E2F5: variants seen among roughly 807,000 people sequenced by gnomAD.
The protein encoded by E2F5 is E2F transcription factor 5.
E2F5 carries 23 observed loss-of-function variants against 39.1 expected under a neutral mutation model. The ratio of observed to expected loss-of-function variants is 0.59; its 90% confidence interval spans 0.42 to 0.83. E2F5 has a LOEUF of 0.83. E2F5 is among the 40% of genes least tolerant of loss of function. The pLI is 0.00. For synonymous variants in E2F5, 145 were observed against 157.8 expected (o/e 0.92, Z 0.61); for missense variants, 365 against 406.7 (o/e 0.90, Z 0.88).
In E2F5 at chr8:85,177,192, C is replaced by T. The variant is rs542361908; in HGVS notation, c.-229C>T. 3.1e-3 allele frequency: 553 copies of T among 179,458 alleles called. 1 individual carries two copies. Among genetic ancestry groups the T allele is most frequent in the Admixed American group, 5.4e-3 (83 of 15,358 alleles). 11.1% of individuals were successfully genotyped at this position (179,458 alleles called of 1,614,324 possible). A position where few individuals can be genotyped will look rare whatever the true frequency, so the allele number is the denominator to read the frequency against. Reference sequence around the variant, plus strand: ...CCACCCCTCCCCCCTCGGTCGTGGGCCTCATTCACGCTTCCCCGGGCTTGG... The same window carrying T: ...CCACCCCTCCCCCCTCGGTCGTGGGTCTCATTCACGCTTCCCCGGGCTTGG... On this transcript the variant is annotated 5_prime_UTR_variant, in exon 1 of 8. Coordinates refer to ENST00000416274, the MANE Select transcript of E2F5 (RefSeq NM_001951.4).
chr8:85,186,224 C>A (rs1233323142), intron 1 of E2F5, among the ~76,000 whole-genome samples: 1 of 152,086 alleles, frequency 6.6e-6, no homozygotes, highest in African/African-American at 2.4e-5. Context: ...ATGGATGAAG[C>A]TGGAAACCAT....
chr8:85,202,027 A>C (rs1812707679), intron 1 of E2F5, 120 bp from the exon 2 acceptor site: 1 of 760,202 alleles, frequency 1.3e-6, no homozygotes, highest in African/African-American at 1.8e-5. Context: ...TATTGTCCCC[A>C]AGCAACTGAG....
At chr8:85,194,330 T>A (rs1021755065) in intron 1 of E2F5, among the ~76,000 whole-genome samples, 1 of 152,158 alleles carries the variant, frequency 6.6e-6, no homozygotes, top group Non-Finnish European at 1.5e-5. Context: ...TAGTTCATAT[T>A]CACTATAATT....
chr8:85,203,325 A>G (rs1407408862), intron 3 of E2F5, 70 bp downstream of exon 3: 31 of 1,283,884 alleles, frequency 2.4e-5, no homozygotes, highest in Non-Finnish European at 3.1e-5. Context: ...ATTTCAGTCT[A>G]AAGATCATTC....
In E2F5 at chr8:85,212,010, C is replaced by T. The variant is rs572731971; in HGVS notation, c.884-147C>T. 43 of 572,770 alleles carry T rather than the reference C, an allele frequency of 7.5e-5. No homozygotes were observed. In the East Asian group the frequency reaches 1.2e-3, roughly 16 times the overall value. The allele number at this position is 572,770 out of a possible 1,614,324, so 35.5% of individuals were successfully genotyped here. ...AAAGTAATGCCAGGCACAGAGTAAG[C>T]GCTCATGAAAACAACCTGTCCACAA... On this transcript the variant is annotated intron_variant, in intron 6 of 7. Transcript: ENST00000416274.
intron 1 of E2F5, among the ~76,000 whole-genome samples, chr8:85,178,690 T>C (rs1812138942): frequency 6.6e-6 from 1 of 152,210 alleles, no homozygotes; most frequent in Non-Finnish European, 1.5e-5. Context: ...CCACCTTACC[T>C]GGCTTGAGAG....
chr8:85,190,882 A>C (rs868494674), intron 1 of E2F5, among the ~76,000 whole-genome samples: 1 of 152,276 alleles, frequency 6.6e-6, no homozygotes, highest in Middle Eastern at 3.4e-3. Flanking sequence ...AGAAGGAAGA[A>C]GAGAGTGAGA....
chr8:85,180,906 C>G (rs1283050523), intron 1 of E2F5, among the ~76,000 whole-genome samples: 1 of 151,434 alleles, frequency 6.6e-6, no homozygotes, highest in Non-Finnish European at 1.5e-5. Flanking sequence ...GAGACAGGGT[C>G]TTATTCTGTC....
intron 1 of E2F5, among the ~76,000 whole-genome samples, chr8:85,195,019 A>G (rs1812551670): frequency 6.6e-6 from 1 of 152,066 alleles, no homozygotes; most frequent in Non-Finnish European, 1.5e-5. Flanking sequence ...CCAGGGCCAC[A>G]CAGCTAATAA....
chr8:85,205,628 C>A (rs1012339357), intron 3 of E2F5, among the ~76,000 whole-genome samples: 1 of 152,206 alleles, frequency 6.6e-6, no homozygotes, highest in Admixed American at 6.5e-5. Context: ...AAGCTCTGGG[C>A]TAATGCTTTC....
At chr8:85,200,417 C>T in intron 1 of E2F5, 1 of 496,754 alleles carries the variant, frequency 2.0e-6, no homozygotes, top group Non-Finnish European at 2.6e-6. Flanking sequence ...GATTGTTAAG[C>T]AGTAATAAAT....
intron 1 of E2F5, among the ~76,000 whole-genome samples, chr8:85,190,497 CTTTTTT>C (rs34804570): frequency 3.8e-4 from 27 of 70,340 alleles, no homozygotes; most frequent in Admixed American, 8.6e-4. Context: ...GAGATTTTTC[CTTTTTT>C]TTTTTTTTTT....
At chr8:85,209,481 A>C (rs1812871048) in intron 6 of E2F5, 72 bp downstream of exon 6, 1 of 1,482,706 alleles carries the variant, frequency 6.7e-7, no homozygotes, top group South Asian at 1.4e-5. Context: ...TCTTATCCAA[A>C]GTGCTTGTGA....
chr8:85,209,107 A>G (rs762145102), intron 5 of E2F5, 35 bp from the exon 6 acceptor site: 1 of 1,591,148 alleles, frequency 6.3e-7, no homozygotes, highest in Non-Finnish European at 8.6e-7. Context: ...AAATGTTAAT[A>G]ATTATACATT....
chr8:85,177,256 TC>T lies in E2F5; in HGVS notation c.-162del, dbSNP rs1812101579. ...GCCCGGCGTGACAAGCGGCCCAGAC[TC>T]CCGTGGGCGCCGCACACCTGTTGTT... On this transcript the variant is annotated 5_prime_UTR_variant, in exon 1 of 8. Transcript: ENST00000416274. The T allele has an allele frequency of 4.0e-6, 2 of 505,650 alleles. No individual in the cohort carries two copies. Among genetic ancestry groups the T allele is most frequent in the African/African-American group, 2.1e-5 (1 of 48,032 alleles). 31.3% of individuals were successfully genotyped at this position (505,650 alleles called of 1,614,324 possible). A position where few individuals can be genotyped will look rare whatever the true frequency, so the allele number is the denominator to read the frequency against.
chr8:85,177,933 G>C (rs1023517892), intron 1 of E2F5: 2 of 278,414 alleles, frequency 7.2e-6, no homozygotes, highest in Non-Finnish European at 1.2e-5. Flanking sequence ...GCGCGCCCGC[G>C]TGGCTTCTGT....
At chr8:85,195,047 G>A (rs903841769) in intron 1 of E2F5, among the ~76,000 whole-genome samples, 1 of 151,992 alleles carries the variant, frequency 6.6e-6, no homozygotes, top group African/African-American at 2.4e-5. Context: ...CTACCTCAGA[G>A]CCCATGTTCC....
At chr8:85,192,215 G>A (rs930747880) in intron 1 of E2F5, among the ~76,000 whole-genome samples, 1 of 152,246 alleles carries the variant, frequency 6.6e-6, no homozygotes, top group South Asian at 2.1e-4. Flanking sequence ...GTAGATAGTG[G>A]TGATTTTCAC....
At chr8:85,202,703 G>A (rs925964360) in intron 2 of E2F5, among the ~76,000 whole-genome samples, 2 of 152,074 alleles carry the variant, frequency 1.3e-5, no homozygotes, top group Non-Finnish European at 1.5e-5. Context: ...CATAGTTTTT[G>A]TCTTGTTTTG....
Sources: gnomAD v4.1 joint callset for allele counts (sites outside exome capture counted in the v4.1 genomes callset) on GRCh38, gnomAD v4.1.1 for gene constraint, MANE v1.5 for transcripts, NCBI Gene and HGNC (gene_info 2026-07-23, HGNC 2026-07-21) for gene names.